The following RTN1 variants were observed in gnomAD, a reference collection of about 807,000 sequenced individuals.
RTN1 encodes the protein reticulon-1.
A neutral mutation model predicts 65.5 loss-of-function variants in RTN1; 25 were observed. The ratio of observed to expected loss-of-function variants is 0.38; its 90% CI spans 0.28 to 0.53. RTN1 has a LOEUF of 0.53. Ranked by LOEUF, RTN1 falls within the 20% of genes least tolerant of loss-of-function variation. The probability of loss-of-function intolerance (pLI) is 0.79; values close to 1 mark genes in which losing one functional copy is unlikely to be tolerated. For synonymous variants in RTN1, 471 were observed against 447.6 expected (o/e 1.05, Z -0.66); for missense variants, 983 against 1,025.4 (o/e 0.96, Z 0.57).
chr14:59,843,405 T>A (rs1887349531), intron 1 of RTN1, among the ~76,000 whole-genome samples: 2 of 152,232 alleles, frequency 1.3e-5, no homozygotes, highest in Admixed American at 1.3e-4. Flanking sequence ...AAGGTGTACA[T>A]CCACCAAACT....
chr14:59,830,325 G>T (rs551736577), intron 1 of RTN1, among the ~76,000 whole-genome samples: 1 of 152,200 alleles, frequency 6.6e-6, no homozygotes, highest in African/African-American at 2.4e-5. Context: ...TAAGATTATC[G>T]AACAGCAAGC....
At chr14:59,641,655 G>A (rs1882784333) in intron 3 of RTN1, among the ~76,000 whole-genome samples, 1 of 152,218 alleles carries the variant, frequency 6.6e-6, no homozygotes, top group South Asian at 2.1e-4. Flanking sequence ...ACAGGCATGA[G>A]CCACCATGCC....
chr14:59,834,455 C>T (rs1220877906), intron 1 of RTN1, among the ~76,000 whole-genome samples: 2 of 152,154 alleles, frequency 1.3e-5, no homozygotes, highest in East Asian at 1.9e-4. Context: ...ATTTGAAAAT[C>T]ATATACCTGA....
At chr14:59,845,452 C>T (rs370091620) in intron 1 of RTN1, among the ~76,000 whole-genome samples, 20 of 152,270 alleles carry the variant, frequency 1.3e-4, no homozygotes, top group African/African-American at 4.6e-4. Context: ...ATTTCCCAAT[C>T]CCTCTTGCTC....
intron 1 of RTN1, among the ~76,000 whole-genome samples, chr14:59,856,589 G>A (rs1887612874): frequency 2.0e-5 from 3 of 152,138 alleles, no homozygotes; most frequent in East Asian, 1.9e-4. Context: ...CATGGGAAAC[G>A]CAGCAGATCA....
chr14:59,769,499 G>T lies in RTN1; in HGVS notation c.242-23018C>A, dbSNP rs548183452. On this transcript the variant is annotated intron_variant, in intron 1 of 8. Transcript: ENST00000267484. ...TCTAGAATTCCAGAATAAATCCTGA[G>T]AACTATGTTGGAAACCCTGAAGGAG... Among the ~76,000 whole-genome samples the T allele has an allele frequency of 1.4e-3, 206 of 152,260 alleles. 7 individuals are homozygous for T. The South Asian group carries it at 0.04, about 30-fold the overall frequency.
In RTN1 at chr14:59,848,688, T is replaced by C. The variant is rs543791276; in HGVS notation, c.241+21702A>G. ...TTGAAAATGTGCTATGATCCCAATA[T>C]GGTATTAAGACTATTTTATGTAACC... On this transcript the variant is annotated intron_variant, in intron 1 of 8. Transcript: ENST00000267484. 3.3e-5 allele frequency among the ~76,000 whole-genome samples: 5 copies of C among 152,318 alleles called. No individual in the cohort carries two copies. The South Asian group carries it at 6.2e-4, about 19-fold the overall frequency.
chr14:59,603,951 TA>T, intron 5 of RTN1, 30 bp from the exon 6 acceptor site: 1 of 1,577,636 alleles, frequency 6.3e-7, no homozygotes, highest in Non-Finnish European at 8.7e-7. Flanking sequence ...TTAGAGCTCC[TA>T]AAACCCTTCC....
chr14:59,600,241 C>T (rs1404832276), intron 8 of RTN1, among the ~76,000 whole-genome samples: 1 of 152,032 alleles, frequency 6.6e-6, no homozygotes, highest in Non-Finnish European at 1.5e-5. Context: ...GCCCCATGAA[C>T]CGATCTCTAA....
chr14:59,845,781 T>C (rs1269550951), intron 1 of RTN1, among the ~76,000 whole-genome samples: 1 of 152,122 alleles, frequency 6.6e-6, no homozygotes, highest in Non-Finnish European at 1.5e-5. Context: ...TTGGACCCAC[T>C]GAACCCTTTC....
chr14:59,623,504 C>T (rs565526871), intron 3 of RTN1, among the ~76,000 whole-genome samples: 2 of 152,256 alleles, frequency 1.3e-5, no homozygotes, highest in African/African-American at 4.8e-5. Flanking sequence ...AAGAGATGGT[C>T]ACAGGGAGGA....
chr14:59,859,114 G>A (rs1035312632), intron 1 of RTN1, among the ~76,000 whole-genome samples: 3 of 152,174 alleles, frequency 2.0e-5, no homozygotes, highest in Non-Finnish European at 4.4e-5. Context: ...GATGCACACA[G>A]TTTCCAGTTT....
At chr14:59,819,260 T>C (rs1010939405) in intron 1 of RTN1, among the ~76,000 whole-genome samples, 5 of 151,976 alleles carry the variant, frequency 3.3e-5, no homozygotes, top group South Asian at 2.1e-4. Flanking sequence ...TTCCACATTA[T>C]GGAAGGGGTT....
intron 2 of RTN1, among the ~76,000 whole-genome samples, chr14:59,741,156 C>T (rs551665928): frequency 6.8e-4 from 104 of 152,152 alleles, no homozygotes; most frequent in Non-Finnish European, 1.1e-3. Flanking sequence ...GCCACACTTC[C>T]CTTCCTTCCC....
intron 3 of RTN1, among the ~76,000 whole-genome samples, chr14:59,660,951 T>A (rs982463005): frequency 1.3e-5 from 2 of 151,146 alleles, no homozygotes; most frequent in African/African-American, 2.4e-5. Context: ...CCAGGAGCTG[T>A]TTTTTTTGAA....
At chr14:59,645,146 C>T (rs1327958762) in intron 3 of RTN1, among the ~76,000 whole-genome samples, 4 of 151,996 alleles carry the variant, frequency 2.6e-5, no homozygotes, top group Admixed American at 2.0e-4. Flanking sequence ...GGCAGAATCT[C>T]CTGACCAAGA....
intron 1 of RTN1, among the ~76,000 whole-genome samples, chr14:59,828,285 TG>T (rs1309408353): frequency 1.3e-5 from 2 of 152,224 alleles, no homozygotes; most frequent in African/African-American, 4.8e-5. Context: ...CTCTCAATAT[TG>T]AAGTATTGGG....
In RTN1 at chr14:59,607,379, G is replaced by A; in HGVS notation, c.1879C>T (p.Leu627=). Residue 627 remains leucine, a synonymous_variant, in exon 4 of 9, where the codon CTG becomes TTG. Coordinates refer to ENST00000267484, the MANE Select transcript of RTN1 (RefSeq NM_021136.3). ...GTGGCTGAGAGTGCGGCCAGGGCCA[G>A]GTAGGCCACGACGCTCACCACGCTG... ...QFSVVSVVAY[L]ALAALSATIS... 6.2e-7 allele frequency: 1 copy of A among 1,613,654 alleles called. No homozygotes were observed. The highest frequency in any genetic ancestry group is 8.5e-7 in the Non-Finnish European group (1 of 1,179,894).
chr14:59,864,527 T>C (rs1030638664), intron 1 of RTN1, among the ~76,000 whole-genome samples: 15 of 151,448 alleles, frequency 9.9e-5, no homozygotes, highest in African/African-American at 3.6e-4. Flanking sequence ...TGCCCTTCCT[T>C]ACTCTCTCCC....
Sources: allele counts gnomAD v4.1 joint callset (sites outside exome capture counted in the v4.1 genomes callset), GRCh38; gene constraint gnomAD v4.1.1; transcripts MANE v1.5; gene names NCBI Gene and HGNC (gene_info 2026-07-23, HGNC 2026-07-21).